SLC24A2: variants seen among roughly 807,000 people sequenced by gnomAD.
The protein encoded by SLC24A2 is sodium/potassium/calcium exchanger 2.
SLC24A2 carries 36 observed loss-of-function variants against 62.0 expected under a neutral mutation model. That is an observed-to-expected ratio of 0.58 (90% CI 0.44 to 0.77). The LOEUF (loss-of-function observed/expected upper bound fraction) is 0.77. SLC24A2 is among the 30% of genes least tolerant of loss of function. The pLI is 0.00. For missense variants in SLC24A2, 846 were observed against 817.9 expected, an observed-to-expected ratio of 1.03 and a Z score of -0.42; for synonymous variants, 358 against 294.0, an observed-to-expected ratio of 1.22 and a Z score of -2.23.
chr9:19,622,421 G>C (rs989652447), intron 2 of SLC24A2, 122 bp from the exon 3 acceptor site: 9 of 1,044,946 alleles, frequency 8.6e-6, no homozygotes, highest in South Asian at 6.8e-5. Context: ...TTCTGCTCCT[G>C]GGATGAGTTA....
chr9:20,268,101 A>T, the SLC24A2 span, among the ~76,000 whole-genome samples: 1 of 152,202 alleles, frequency 6.6e-6, no homozygotes, highest in African/African-American at 2.4e-5. Flanking sequence ...GTGCAAGTGA[A>T]CTACCTTAGC....
the SLC24A2 span, among the ~76,000 whole-genome samples, chr9:20,174,460 C>G: frequency 4.0e-3 from 604 of 151,680 alleles, 2 homozygotes; most frequent in African/African-American, 0.014. Flanking sequence ...ATACATCTGA[C>G]AAAGGACTAA....
In SLC24A2 at chr9:19,545,921, G is replaced by A. The variant is rs555067524; in HGVS notation, c.1479+4216C>T. Among the ~76,000 whole-genome samples the A allele has an allele frequency of 1.2e-3, 183 of 152,316 alleles. 1 individual carries two copies. The highest frequency in any genetic ancestry group is 4.1e-3 in the African/African-American group (172 of 41,574). ...CAGAGTGCTGGGATTACAGCCGTGA[G>A]CCACTGCACCTGGCCTAGTTTTCCT... On this transcript the variant is annotated intron_variant, in intron 8 of 10. Coordinates refer to ENST00000341998, the MANE Select transcript of SLC24A2 (RefSeq NM_020344.4).
chr9:19,721,944 CTCTT>C (rs1821038462), intron 2 of SLC24A2, among the ~76,000 whole-genome samples: 2 of 152,058 alleles, frequency 1.3e-5, no homozygotes, highest in African/African-American at 4.8e-5. Context: ...TTTTCAAACT[CTCTT>C]TGTCTGTCTT....
At chr9:20,009,894 C>G in the SLC24A2 span, among the ~76,000 whole-genome samples, 12 of 152,198 alleles carry the variant, frequency 7.9e-5, no homozygotes, top group Admixed American at 1.3e-4. Context: ...GCCTGTGGCC[C>G]TGCCCACCTT....
At chr9:19,798,813 CCT>C in the SLC24A2 span, among the ~76,000 whole-genome samples, 2 of 152,074 alleles carry the variant, frequency 1.3e-5, no homozygotes, top group East Asian at 1.9e-4. Context: ...GCTATTTATA[CCT>C]CTCTCTACTT....
chr9:19,986,238 C>T, the SLC24A2 span, among the ~76,000 whole-genome samples: 3 of 151,998 alleles, frequency 2.0e-5, no homozygotes, highest in South Asian at 6.2e-4. Flanking sequence ...CACTTCACAC[C>T]CACTAGGCTA....
the SLC24A2 span, among the ~76,000 whole-genome samples, chr9:20,274,184 A>G: frequency 6.6e-6 from 1 of 152,156 alleles, no homozygotes; most frequent in Non-Finnish European, 1.5e-5. Flanking sequence ...CAATGAACAA[A>G]TACATAGATA....
At chr9:20,040,231 T>C in the SLC24A2 span, among the ~76,000 whole-genome samples, 22 of 152,308 alleles carry the variant, frequency 1.4e-4, no homozygotes, top group Admixed American at 3.9e-4. Flanking sequence ...TGTTTAAAGA[T>C]TTTGGTGCTA....
the SLC24A2 span, among the ~76,000 whole-genome samples, chr9:20,254,505 T>C: frequency 1.3e-5 from 2 of 152,338 alleles, no homozygotes; most frequent in East Asian, 3.9e-4. Flanking sequence ...AGCAGACTGA[T>C]AAGAATACAG....
chr9:20,288,293 G>A, the SLC24A2 span, among the ~76,000 whole-genome samples: 1 of 152,152 alleles, frequency 6.6e-6, no homozygotes, highest in Non-Finnish European at 1.5e-5. Flanking sequence ...TCATATGGCA[G>A]TTTGTATTTT....
the SLC24A2 span, among the ~76,000 whole-genome samples, chr9:19,980,444 G>A: frequency 1.3e-5 from 2 of 152,168 alleles, no homozygotes; most frequent in African/African-American, 4.8e-5. Context: ...GGAAGGAAGT[G>A]ACACTGGAAA....
the SLC24A2 span, among the ~76,000 whole-genome samples, chr9:20,107,010 A>T: frequency 1.3e-5 from 2 of 152,250 alleles, no homozygotes. Context: ...GTCTCAGGAT[A>T]CAAAATCAAT....
At chr9:19,538,642 C>G (rs964707900) in intron 8 of SLC24A2, among the ~76,000 whole-genome samples, 3 of 112,770 alleles carry the variant, frequency 2.7e-5, no homozygotes, top group African/African-American at 1.1e-4. Context: ...CAATGTTCAT[C>G]AAGGATATTG....
chr9:19,780,303 T>C (rs1822974638), intron 2 of SLC24A2, among the ~76,000 whole-genome samples: 1 of 150,690 alleles, frequency 6.6e-6, no homozygotes, highest in Non-Finnish European at 1.5e-5. Flanking sequence ...AGTCTCACTC[T>C]GTCGCCCAGG....
chr9:19,620,173 C>T (rs1817874906), intron 3 of SLC24A2, among the ~76,000 whole-genome samples: 1 of 152,132 alleles, frequency 6.6e-6, no homozygotes, highest in African/African-American at 2.4e-5. Context: ...TGCATCCTAT[C>T]AGTAAAATGT....
At chr9:19,525,646 T>G (rs1386158828) in intron 9 of SLC24A2, among the ~76,000 whole-genome samples, 1 of 151,734 alleles carries the variant, frequency 6.6e-6, no homozygotes. Flanking sequence ...TCAAGGGATC[T>G]GCCTGCCTCA....
the SLC24A2 span, among the ~76,000 whole-genome samples, chr9:19,914,210 AGT>A: frequency 6.6e-6 from 1 of 151,944 alleles, no homozygotes; most frequent in Non-Finnish European, 1.5e-5. Flanking sequence ...CTGCCACTTG[AGT>A]GTTTCAACCA....
chr9:20,074,641 A>G, the SLC24A2 span, among the ~76,000 whole-genome samples: 8 of 92,182 alleles, frequency 8.7e-5, no homozygotes, highest in South Asian at 4.9e-4. Context: ...GAGGGACGGG[A>G]AGGGGGTGAG....
Sources: allele counts gnomAD v4.1 joint callset (sites outside exome capture counted in the v4.1 genomes callset), GRCh38; gene constraint gnomAD v4.1.1; transcripts MANE v1.5; gene names NCBI Gene and HGNC (gene_info 2026-07-23, HGNC 2026-07-21).